Variants in DUOX1 observed in about 807,000 individuals in gnomAD.
The protein encoded by DUOX1 is dual oxidase 1.
In DUOX1, 134 loss-of-function variants were observed where a neutral mutation model predicts 181.8. The observed-to-expected ratio is 0.74, with a 90% CI of 0.64 to 0.85. DUOX1 has a LOEUF of 0.85. Ranked by LOEUF, DUOX1 falls within the 40% of genes least tolerant of loss-of-function variation. The pLI is 0.00. For missense variants in DUOX1, 1,814 were observed against 2,064.4 expected (o/e 0.88, Z 2.35); for synonymous variants, 798 against 832.5 (o/e 0.96, Z 0.71).
At chr15:45,161,447 A>C (rs1252269842) in intron 29 of DUOX1, among the ~76,000 whole-genome samples, 1 of 88,646 alleles carries the variant, frequency 1.1e-5, no homozygotes, top group Non-Finnish European at 2.5e-5. Flanking sequence ...AAAAGGAAGG[A>C]GGGAGGGAGG....
At chr15:45,150,113 G>A (rs1049187173) in intron 21 of DUOX1, among the ~76,000 whole-genome samples, 5 of 152,326 alleles carry the variant, frequency 3.3e-5, no homozygotes, top group Non-Finnish European at 5.9e-5. Flanking sequence ...GTCCTGCCCT[G>A]CCTTCAGTGC....
intron 12 of DUOX1, 174 bp downstream of exon 12, chr15:45,139,773 C>T: frequency 2.6e-6 from 2 of 778,470 alleles, no homozygotes; most frequent in Non-Finnish European, 4.0e-6. Context: ...GATTACCAGA[C>T]CAGCAAGATT....
chr15:45,164,914 G>GTTCTTCTTCTA lies in DUOX1; in HGVS notation c.*13_*14insTTCTTCTTCTA. ...TGAGAACTTCTAGGCCCCTGCCCGG[G>GTTCTTCTTCTA]GGTTCTGCCCACTGCCCAGTTGAGC... is the stretch of plus-strand genomic sequence containing the variant. On this transcript the variant is annotated 3_prime_UTR_variant, in exon 34 of 34. Coordinates refer to ENST00000389037, the MANE Select transcript of DUOX1 (RefSeq NM_175940.3). 1.2e-6 allele frequency: 2 copies of GTTCTTCTTCTA among 1,613,824 alleles called. No individual in the cohort carries two copies. Among genetic ancestry groups the GTTCTTCTTCTA allele is most frequent in the Middle Eastern group, 1.6e-4 (1 of 6,062 alleles).
chr15:45,147,811 G>C, intron 19 of DUOX1, 93 bp from the exon 20 acceptor site: 1 of 1,505,272 alleles, frequency 6.6e-7, no homozygotes, highest in Non-Finnish European at 9.2e-7. Flanking sequence ...GTCCAGAAGT[G>C]GGTCATCACA....
At chr15:45,133,728 T>G in intron 2 of DUOX1, 136 bp from the exon 3 acceptor site, 1 of 734,724 alleles carries the variant, frequency 1.4e-6, no homozygotes. Flanking sequence ...CTCTGCACCC[T>G]ACCTCTCACA....
chr15:45,136,502 C>T (rs1392027346), intron 8 of DUOX1, 27 bp from the exon 9 acceptor site: 1 of 1,613,976 alleles, frequency 6.2e-7, no homozygotes, highest in African/African-American at 1.3e-5. Context: ...CTAAATTCTT[C>T]TGTCCTCTCT....
chr15:45,139,797 G>C (rs950264348), intron 12 of DUOX1, 198 bp downstream of exon 12: 2 of 666,714 alleles, frequency 3.0e-6, no homozygotes, highest in Non-Finnish European at 4.9e-6. Flanking sequence ...CTTTGCACTC[G>C]GATTGTTCAG....
Position 45,136,066 on chromosome 15 carries a change from C to G in DUOX1, c.864+118C>G, listed in dbSNP as rs188127765. 60 of 1,524,458 alleles carry G rather than the reference C, an allele frequency of 3.9e-5. No homozygotes were observed. The African/African-American group carries it at 7.4e-4, about 19-fold the overall frequency. The allele number at this position is 1,524,458 out of a possible 1,614,324, so 94.4% of individuals were successfully genotyped here. ...CGCCACCCAGAAACCCCTCCCCAGACAGCCGAGGTCCAGGGAAGCCCCTGT... is the reference window on the plus strand; with the variant it reads ...CGCCACCCAGAAACCCCTCCCCAGAGAGCCGAGGTCCAGGGAAGCCCCTGT... On this transcript the variant is annotated intron_variant, in intron 7 of 33. Coordinates refer to ENST00000389037, the MANE Select transcript of DUOX1 (RefSeq NM_175940.3).
At position 45,141,393 on chromosome 15, in the gene DUOX1, T is replaced by A. The variant is rs1045121502; in HGVS notation, c.1667T>A (p.Val556Asp). 6.2e-7 allele frequency: 1 copy of A among 1,614,146 alleles called. No homozygotes were observed. Among genetic ancestry groups the A allele is most frequent in the African/African-American group, 1.3e-5 (1 of 74,946 alleles). ...NIDPSALQPNVFVWHKGDPCP... is the reference protein window; with the variant it reads ...NIDPSALQPNDFVWHKGDPCP... ...GACCCCAGTGCTCTGCAGCCCAATG[T>A]CTTTGTCTGGCATAAAGGTGAGTGG... The change falls in exon 14 of 34, where the codon GTC becomes GAC. Residue 556 changes from valine to aspartate, a missense_variant. Coordinates refer to ENST00000389037, the MANE Select transcript of DUOX1 (RefSeq NM_175940.3).
intron 23 of DUOX1, 39 bp from the exon 24 acceptor site, chr15:45,151,835 C>T: frequency 6.3e-7 from 1 of 1,588,050 alleles, no homozygotes; most frequent in Non-Finnish European, 8.6e-7. Context: ...CGTTGGGTCC[C>T]ATGGTGGGTG....
intron 10 of DUOX1, 21 bp from the exon 11 acceptor site, chr15:45,139,045 C>T (rs773782729): frequency 6.2e-7 from 1 of 1,608,356 alleles, no homozygotes; most frequent in Non-Finnish European, 8.5e-7. Context: ...CCCCTTTCCT[C>T]CCCACCCCCA....
At chr15:45,156,036 C>A in intron 28 of DUOX1, 107 bp downstream of exon 28, 2 of 1,460,860 alleles carry the variant, frequency 1.4e-6, no homozygotes, top group Non-Finnish European at 1.9e-6. Context: ...TTTGAAGCAT[C>A]CTCTTCACTT....
chr15:45,142,981 G>A (rs1195694961), intron 15 of DUOX1, among the ~76,000 whole-genome samples: 2 of 152,050 alleles, frequency 1.3e-5, no homozygotes, highest in Non-Finnish European at 2.9e-5. Flanking sequence ...ATCTGAGGAG[G>A]AAGGGTGGGT....
In DUOX1 at chr15:45,131,909, T is replaced by C. The variant is rs1896166239; in HGVS notation, c.-49-9T>C. 6.3e-7 allele frequency: 1 copy of C among 1,577,380 alleles called. No individual in the cohort carries two copies. Among genetic ancestry groups the C allele is most frequent in the East Asian group, 2.2e-5 (1 of 44,648 alleles). ...AGCTGGGGCTCATTCTTTGCCTGTC[T>C]TTTTCTAGGGTCTCCATTTTGGGAC... On this transcript the variant is annotated splice_polypyrimidine_tract_variant and intron_variant, in intron 1 of 33. Transcript: ENST00000389037.
chr15:45,142,767 A>AAGGAAGGAAGGAAGGAAG (rs1896535782), intron 15 of DUOX1, among the ~76,000 whole-genome samples: 1 of 115,160 alleles, frequency 8.7e-6, no homozygotes, highest in Non-Finnish European at 1.9e-5. Flanking sequence ...AAGGAAGGAA[A>AAGGAAGGAAGGAAGGAAG]GAAGGAAGGA....
At position 45,141,441 on chromosome 15, in the gene DUOX1, G is replaced by A. The variant is rs753056102; in HGVS notation, c.1684+31G>A. Reference sequence around the variant, plus strand: ...TGGCCAAGGGGTGGCTGGAGGAGTGGTGGGTCTGGAGCCTCGTCCCTCTTC... The same window carrying A: ...TGGCCAAGGGGTGGCTGGAGGAGTGATGGGTCTGGAGCCTCGTCCCTCTTC... On this transcript the variant is annotated intron_variant, in intron 14 of 33. Coordinates refer to ENST00000389037, the MANE Select transcript of DUOX1 (RefSeq NM_175940.3). 2.5e-6 allele frequency: 4 copies of A among 1,609,208 alleles called. No individual in the cohort carries two copies. In the South Asian group the frequency reaches 4.4e-5, roughly 18 times the overall value.
Position 45,148,296 on chromosome 15 carries a change from C to T in DUOX1, c.2667C>T (p.Asn889=), listed in dbSNP as rs1337890308. Reference sequence around the variant, plus strand: ...GATCCTTCATCGAGATCTCCAACAACTGCCTGTCCAAGGCCCAGCTGGCTG... The same window carrying T: ...GATCCTTCATCGAGATCTCCAACAATTGCCTGTCCAAGGCCCAGCTGGCTG... The part of the protein sequence containing the change: ...MLRSFIEISN[N]CLSKAQLAEV... The change falls in exon 21 of 34, where the codon AAC becomes AAT. Residue 889 remains asparagine (N), a synonymous_variant. Coordinates refer to ENST00000389037, the MANE Select transcript of DUOX1 (RefSeq NM_175940.3). 2 of 1,614,260 alleles carry T rather than the reference C, an allele frequency of 1.2e-6. No homozygotes were observed. The highest frequency in any genetic ancestry group is 3.3e-5 in the Admixed American group (2 of 60,026).
chr15:45,165,382 A>G lies in DUOX1; in HGVS notation c.*481A>G. 1 of 159,996 alleles carries G rather than the reference A, an allele frequency of 6.3e-6. No individual in the cohort carries two copies. Among genetic ancestry groups the G allele is most frequent in the Admixed American group, 6.3e-5 (1 of 15,756 alleles). The allele number at this position is 159,996 out of a possible 1,614,324, so 9.9% of individuals were successfully genotyped here. A position where few individuals can be genotyped will look rare whatever the true frequency, so the allele number is the denominator to read the frequency against. Reference sequence around the variant, plus strand: ...GGCTGGCAAATGCCTTGCAGGAGGTAGAGGCTGGACCCATGGCAAGCCATT... The same window carrying G: ...GGCTGGCAAATGCCTTGCAGGAGGTGGAGGCTGGACCCATGGCAAGCCATT... On this transcript the variant is annotated 3_prime_UTR_variant, in exon 34 of 34. Coordinates refer to ENST00000389037, the MANE Select transcript of DUOX1 (RefSeq NM_175940.3).
chr15:45,143,596 G>A (rs1002089699), intron 16 of DUOX1, among the ~76,000 whole-genome samples: 4 of 152,180 alleles, frequency 2.6e-5, no homozygotes, highest in Non-Finnish European at 5.9e-5. Context: ...AGCATCTCAC[G>A]CTGGAACTCC....
Sources: allele counts gnomAD v4.1 joint callset (sites outside exome capture counted in the v4.1 genomes callset), GRCh38; gene constraint gnomAD v4.1.1; transcripts MANE v1.5; gene names NCBI Gene and HGNC (gene_info 2026-07-23, HGNC 2026-07-21).